The following SIPA1L3 variants were observed in gnomAD, a reference collection of about 807,000 sequenced individuals.
The protein encoded by SIPA1L3 is signal-induced proliferation-associated 1-like protein 3.
Under a neutral mutation model 150.1 loss-of-function variants are expected in SIPA1L3, and 59 were observed. The ratio of observed to expected loss-of-function variants is 0.39; its 90% CI spans 0.32 to 0.49. The LOEUF (loss-of-function observed/expected upper bound fraction) is 0.49. Among genes scored for constraint, SIPA1L3 ranks in the 20% least tolerant of loss-of-function variants. The pLI is 0.86. For synonymous variants in SIPA1L3, 1,070 were observed against 1,077.6 expected, an observed-to-expected ratio of 0.99 and a Z score of 0.14; for missense variants, 2,211 against 2,489.5, an observed-to-expected ratio of 0.89 and a Z score of 2.38.
chr19:38,181,894 G>A (rs1972561177), intron 15 of SIPA1L3, among the ~76,000 whole-genome samples: 1 of 150,250 alleles, frequency 6.7e-6, no homozygotes, highest in South Asian at 2.1e-4. Flanking sequence ...GGCTCATCCT[G>A]TAATCCCAAC....
intron 2 of SIPA1L3, among the ~76,000 whole-genome samples, chr19:38,072,672 G>T (rs1308867365): frequency 3.3e-5 from 5 of 152,270 alleles, no homozygotes; most frequent in Non-Finnish European, 7.3e-5. Flanking sequence ...TTGCTCCAGA[G>T]CTGGGGAAGG....
At chr19:38,028,141 ACATT>A (rs1218156379) in intron 1 of SIPA1L3, among the ~76,000 whole-genome samples, 1 of 152,136 alleles carries the variant, frequency 6.6e-6, no homozygotes, top group Non-Finnish European at 1.5e-5. Flanking sequence ...CCGCCTGGAG[ACATT>A]CATTCATCCA....
At chr19:38,140,327 C>T (rs917220864) in intron 10 of SIPA1L3, among the ~76,000 whole-genome samples, 2 of 151,774 alleles carry the variant, frequency 1.3e-5, no homozygotes, top group Non-Finnish European at 2.9e-5. Flanking sequence ...CACCATGGTG[C>T]ATGTGCCAGC....
chr19:38,121,833 C>G (rs1176744649), intron 9 of SIPA1L3, among the ~76,000 whole-genome samples: 1 of 152,014 alleles, frequency 6.6e-6, no homozygotes, highest in African/African-American at 2.4e-5. Context: ...GTGGGATGAT[C>G]ACTTGAGCCC....
intron 2 of SIPA1L3, among the ~76,000 whole-genome samples, chr19:38,079,470 G>T (rs1969927833): frequency 6.6e-6 from 1 of 152,106 alleles, no homozygotes; most frequent in Admixed American, 6.6e-5. Context: ...AGTAGAGTGG[G>T]TAATTAAGAA....
At chr19:37,994,934 T>C (rs945480857) in intron 1 of SIPA1L3, among the ~76,000 whole-genome samples, 2 of 152,154 alleles carry the variant, frequency 1.3e-5, no homozygotes, top group Non-Finnish European at 2.9e-5. Context: ...CAGGCACTTA[T>C]GTTTCTGTGT....
At chr19:38,184,369 G>A (rs914801010) in intron 16 of SIPA1L3, 1 of 152,254 alleles carries the variant, frequency 6.6e-6, no homozygotes, top group Non-Finnish European at 1.5e-5. Flanking sequence ...GTAGAGACGG[G>A]GTTTCACCAT....
At chr19:37,977,046 A>G (rs1967093699) in intron 1 of SIPA1L3, among the ~76,000 whole-genome samples, 1 of 152,006 alleles carries the variant, frequency 6.6e-6, no homozygotes, top group African/African-American at 2.4e-5. Flanking sequence ...CATGTTACCC[A>G]GGCTGGTCTT....
At chr19:38,176,001 T>A (rs1972427547) in intron 15 of SIPA1L3, among the ~76,000 whole-genome samples, 1 of 151,966 alleles carries the variant, frequency 6.6e-6, no homozygotes, top group Non-Finnish European at 1.5e-5. Context: ...AGGTCAGAAG[T>A]TCAAGACCAG....
At chr19:38,197,537 C>G (rs1200917618) in intron 18 of SIPA1L3, among the ~76,000 whole-genome samples, 1 of 151,992 alleles carries the variant, frequency 6.6e-6, no homozygotes, top group East Asian at 1.9e-4. Context: ...ATTCCAATCA[C>G]AGGTGCAGCT....
chr19:37,929,484 C>T (rs2046534154), intron 1 of SIPA1L3, among the ~76,000 whole-genome samples: 1 of 152,164 alleles, frequency 6.6e-6, no homozygotes, highest in Non-Finnish European at 1.5e-5. Context: ...GCACAAAGTC[C>T]CAGTACCACA....
rs1252584671 is a variant in SIPA1L3, at chr19:38,082,533, A to G, written c.968A>G (p.Glu323Gly). 6.9e-6 allele frequency: 11 copies of G among 1,598,904 alleles called. No homozygotes were observed. Among genetic ancestry groups the G allele is most frequent in the Non-Finnish European group, 7.7e-6 (9 of 1,173,006 alleles). The change falls in exon 3 of 22, where the codon GAG becomes GGG. Residue 323 changes from glutamate (E) to glycine (G), a missense_variant. Glu to Gly is a moderately conservative substitution (Grantham distance 98). This residue lies in a region of SIPA1L3 where 587 missense variants were observed against 534.5 expected (regional missense o/e 1.10). Transcript: ENST00000222345. ...EAGRSPGEADEGRSPPEASRP... is the reference protein window; with the variant it reads ...EAGRSPGEADGGRSPPEASRP... ...GGGCGTTCCCCGGGGGAGGCCGACG[A>G]GGGCCGGAGCCCCCCGGAAGCCAGC...
chr19:38,008,798 A>T (rs1477074321), intron 1 of SIPA1L3, among the ~76,000 whole-genome samples: 3 of 151,080 alleles, frequency 2.0e-5, no homozygotes, highest in Non-Finnish European at 3.0e-5. Flanking sequence ...GGCCTCAAGC[A>T]ATCTCCCCAG....
At chr19:38,180,577 C>A (rs1394977351) in intron 15 of SIPA1L3, among the ~76,000 whole-genome samples, 1 of 146,982 alleles carries the variant, frequency 6.8e-6, no homozygotes, top group Non-Finnish European at 1.5e-5. Context: ...CTCTTTTTGC[C>A]CAGGTTGGAG....
At chr19:37,926,354 G>T (rs955639353) in intron 1 of SIPA1L3, among the ~76,000 whole-genome samples, 1 of 152,164 alleles carries the variant, frequency 6.6e-6, no homozygotes, top group East Asian at 1.9e-4. Context: ...TTTCCACGGG[G>T]ACCTCACCTG....
Position 38,081,477 on chromosome 19 carries a change from G to T in SIPA1L3, c.-89G>T. 7.7e-7 allele frequency: 1 copy of T among 1,290,446 alleles called. No homozygotes were observed. The highest frequency in any genetic ancestry group is 1.1e-6 in the Non-Finnish European group (1 of 941,434). 79.9% of individuals were successfully genotyped at this position (1,290,446 alleles called of 1,614,324 possible). On this transcript the variant is annotated 5_prime_UTR_variant, in exon 3 of 22. Coordinates refer to ENST00000222345, the MANE Select transcript of SIPA1L3 (RefSeq NM_015073.3). ...CCCAGCATCCTTCATCCTGGGCCTG[G>T]CTGCCCTGAACAATGGCTGAGGGCT...
intron 13 of SIPA1L3, among the ~76,000 whole-genome samples, chr19:38,154,512 A>G (rs1194462618): frequency 1.3e-5 from 2 of 152,182 alleles, no homozygotes; most frequent in Non-Finnish European, 2.9e-5. Context: ...CAATGGCACA[A>G]TCTCGGCTCA....
Position 38,161,140 on chromosome 19 carries a change from G to A in SIPA1L3, c.3662-1113G>A, listed in dbSNP as rs190792032. Among the ~76,000 whole-genome samples the A allele has an allele frequency of 5.0e-3, 762 of 151,424 alleles. 3 individuals carry two copies. The highest frequency in any genetic ancestry group is 0.017 in the African/African-American group (721 of 41,296). Reference sequence around the variant, plus strand: ...GGGTGGATCACGAGGTCAGGAGTTCGAGACCAGCCTGGCCAAGATGGTGAA... The same window carrying A: ...GGGTGGATCACGAGGTCAGGAGTTCAAGACCAGCCTGGCCAAGATGGTGAA... On this transcript the variant is annotated intron_variant, in intron 13 of 21. Transcript: ENST00000222345.
intron 1 of SIPA1L3, among the ~76,000 whole-genome samples, chr19:37,970,589 T>C (rs1725482): frequency 0.29 from 44,537 of 152,098 alleles, 8,077 homozygotes; most frequent in East Asian, 0.68. Context: ...TCCGTTCAGC[T>C]TCTGTGCAGA....
Sources: allele counts gnomAD v4.1 joint callset (sites outside exome capture counted in the v4.1 genomes callset), GRCh38; gene constraint gnomAD v4.1.1; regional missense constraint gnomAD v4.1.1; transcripts MANE v1.5; gene names NCBI Gene and HGNC (gene_info 2026-07-23, HGNC 2026-07-21).